Variants in IFT88 observed in about 807,000 individuals in gnomAD.
The protein encoded by IFT88 is intraflagellar transport 88, also known as intraflagellar transport protein 88 homolog.
A neutral mutation model predicts 119.5 loss-of-function variants in IFT88; 74 were observed. That is an observed-to-expected ratio of 0.62 (90% confidence interval 0.51 to 0.75). The LOEUF is 0.75. IFT88 is among the 30% of genes least tolerant of loss of function. The pLI is 0.00. For synonymous variants in IFT88, 279 were observed against 316.7 expected (o/e 0.88, Z 1.26); for missense variants, 961 against 977.7 (o/e 0.98, Z 0.23).
chr13:20,662,762 A>T (rs947174359), intron 22 of IFT88, among the ~76,000 whole-genome samples: 1 of 152,238 alleles, frequency 6.6e-6, no homozygotes, highest in Non-Finnish European at 1.5e-5. Context: ...CATCTATTGC[A>T]TGTTTTTAAA....
chr13:20,678,427 A>G (rs1280000742), intron 24 of IFT88, among the ~76,000 whole-genome samples: 3 of 152,344 alleles, frequency 2.0e-5, no homozygotes, highest in South Asian at 4.1e-4. Flanking sequence ...CATTGCTTCT[A>G]TAGATTATAG....
chr13:20,622,345 C>T (rs2046675279), intron 14 of IFT88, among the ~76,000 whole-genome samples: 1 of 152,004 alleles, frequency 6.6e-6, no homozygotes, highest in African/African-American at 2.4e-5. Context: ...GGATAAATAC[C>T]AAGGAGCGTG....
At chr13:20,622,005 TGATTGGC>T (rs1239429518) in intron 14 of IFT88, among the ~76,000 whole-genome samples, 1 of 152,242 alleles carries the variant, frequency 6.6e-6, no homozygotes, top group African/African-American at 2.4e-5. Context: ...TTGGCTTTGC[TGATTGGC>T]TTCTTTCATT....
chr13:20,586,353 C>A (rs9506523), intron 3 of IFT88, among the ~76,000 whole-genome samples: 127,164 of 152,200 alleles, frequency 0.84, 53,454 homozygotes, highest in East Asian at 1. Context: ...CTTCAGAAGG[C>A]AAATTAAATG....
At chr13:20,637,347 G>A (rs1398901679) in intron 16 of IFT88, among the ~76,000 whole-genome samples, 1 of 152,192 alleles carries the variant, frequency 6.6e-6, no homozygotes, top group East Asian at 1.9e-4. Context: ...TGGGAAAAGG[G>A]GCATGGGAAT....
chr13:20,660,921 A>C (rs1174218232), intron 22 of IFT88, among the ~76,000 whole-genome samples: 1 of 152,134 alleles, frequency 6.6e-6, no homozygotes, highest in East Asian at 1.9e-4. Context: ...TTTAGCACAT[A>C]TTTTTGTGCT....
chr13:20,568,061 G>C (rs577871937), intron 1 of IFT88: 1 of 708,200 alleles, frequency 1.4e-6, no homozygotes, highest in East Asian at 2.7e-5. Context: ...GAAAGTTTAC[G>C]AATTTGTGTT....
In IFT88 at chr13:20,691,231, G is replaced by C. The variant is rs1315816206; in HGVS notation, c.*56G>C. On this transcript the variant is annotated 3_prime_UTR_variant, in exon 26 of 26. Coordinates refer to ENST00000351808, the MANE Select transcript of IFT88 (RefSeq NM_006531.5). ...AATTGCCTTATGAGATCATCCTCAT[G>C]TTAAACCTTGGATTAAATATCTAAC... 2.0e-6 allele frequency: 3 copies of C among 1,481,846 alleles called. No homozygotes were observed. Among genetic ancestry groups the C allele is most frequent in the South Asian group, 2.6e-5 (2 of 78,382 alleles). The allele number at this position is 1,481,846 out of a possible 1,614,324, so 91.8% of individuals were successfully genotyped here.
rs776012908 is a variant in IFT88, at chr13:20,643,485, T to A, written c.1713T>A (p.Ala571=). ...IYELMENPSQ[A]IEWLMQVVSV... ...AATTAATGGAAAATCCCAGTCAAGC[T>A]ATTGAATGGCTAATGCAGGTGGTCA... Residue 571 remains alanine, a synonymous_variant, in exon 19 of 26, where the codon GCT becomes GCA. Transcript: ENST00000351808. 1 of 1,606,788 alleles carries A rather than the reference T, an allele frequency of 6.2e-7. No homozygotes were observed. The highest frequency in any genetic ancestry group is 2.2e-5 in the East Asian group (1 of 44,816).
Position 20,644,932 on chromosome 13 carries a change from G to C in IFT88, c.1923G>C (p.Gln641His). The C allele has an allele frequency of 1.9e-6, 3 of 1,584,422 alleles. No homozygotes were observed. Among genetic ancestry groups the C allele is most frequent in the Non-Finnish European group, 2.6e-6 (3 of 1,155,460 alleles). The change falls in exon 20 of 26, where the codon CAG (glutamine) becomes CAC (histidine). Residue 641 changes from glutamine (Q) to histidine (H), a missense_variant. Coordinates refer to ENST00000351808, the MANE Select transcript of IFT88 (RefSeq NM_006531.5). ...IDTQFWEKAIQYFERASLIQP... is the reference protein window; with the variant it reads ...IDTQFWEKAIHYFERASLIQP... ...CCCAATTTTGGGAAAAAGCTATTCAGTACTTTGAAAGAGCTTCTCTTATAC... is the reference window on the plus strand; with the variant it reads ...CCCAATTTTGGGAAAAAGCTATTCACTACTTTGAAAGAGCTTCTCTTATAC...
At chr13:20,611,729 T>C (rs2044576178) in intron 13 of IFT88, among the ~76,000 whole-genome samples, 1 of 151,850 alleles carries the variant, frequency 6.6e-6, no homozygotes, top group African/African-American at 2.4e-5. Context: ...CTCAGCCTCC[T>C]GAGTAGCTGG....
At chr13:20,589,328 A>G (rs549464955) in intron 3 of IFT88, among the ~76,000 whole-genome samples, 4 of 152,258 alleles carry the variant, frequency 2.6e-5, no homozygotes, top group African/African-American at 4.8e-5. Context: ...ATGTGCTCCT[A>G]TTTGATTCTA....
intron 9 of IFT88, among the ~76,000 whole-genome samples, chr13:20,597,867 T>C (rs1392475282): frequency 6.6e-6 from 1 of 151,958 alleles, no homozygotes; most frequent in Non-Finnish European, 1.5e-5. Context: ...AAGGTGGTTA[T>C]TTTGATGAGA....
At chr13:20,686,449 G>T (rs1276627588) in intron 24 of IFT88, among the ~76,000 whole-genome samples, 1 of 152,202 alleles carries the variant, frequency 6.6e-6, no homozygotes, top group East Asian at 1.9e-4. Flanking sequence ...GAAGGCAGTG[G>T]CTGCATCTCC....
chr13:20,621,062 TTTTTGTTTTG>T (rs763291266), intron 14 of IFT88, among the ~76,000 whole-genome samples: 1 of 151,908 alleles, frequency 6.6e-6, no homozygotes, highest in East Asian at 1.9e-4. Context: ...TTTGGTGTTT[TTTTTGTTTTG>T]TTTTGTTTTG....
intron 22 of IFT88, among the ~76,000 whole-genome samples, chr13:20,661,372 A>G (rs893947702): frequency 2.0e-5 from 3 of 152,198 alleles, no homozygotes; most frequent in African/African-American, 7.2e-5. Context: ...AAGGTAGTCT[A>G]TTGTGGAAAA....
At chr13:20,619,366 G>C (rs1052136015) in intron 14 of IFT88, among the ~76,000 whole-genome samples, 1 of 152,198 alleles carries the variant, frequency 6.6e-6, no homozygotes, top group African/African-American at 2.4e-5. Flanking sequence ...TCCCTGAAGA[G>C]TGACTTTGAT....
In IFT88 at chr13:20,663,482, A is replaced by T; in HGVS notation, c.2069-16A>T. On this transcript the variant is annotated splice_polypyrimidine_tract_variant and intron_variant, in intron 22 of 25. Coordinates refer to ENST00000351808, the MANE Select transcript of IFT88 (RefSeq NM_006531.5). ...TGTGCCTATATTCTTTCCTAAATGT[A>T]TATTTTACAATTTAGGTCTGCGTTT... 6.2e-7 allele frequency: 1 copy of T among 1,608,092 alleles called. No homozygotes were observed. The highest frequency in any genetic ancestry group is 8.5e-7 in the Non-Finnish European group (1 of 1,175,936).
At chr13:20,588,504 T>G (rs555840300) in intron 3 of IFT88, among the ~76,000 whole-genome samples, 9 of 152,334 alleles carry the variant, frequency 5.9e-5, no homozygotes, top group African/African-American at 2.2e-4. Flanking sequence ...TTAGAGATAC[T>G]TTATGGCTCT....
Sources: allele counts gnomAD v4.1 joint callset (sites outside exome capture counted in the v4.1 genomes callset), GRCh38; gene constraint gnomAD v4.1.1; transcripts MANE v1.5; gene names NCBI Gene and HGNC (gene_info 2026-07-23, HGNC 2026-07-21).